ACSS3: variants seen among roughly 807,000 people sequenced by gnomAD.
The protein encoded by ACSS3 is acyl-CoA synthetase short-chain family member 3, mitochondrial.
ACSS3 carries 64 observed loss-of-function variants against 84.2 expected under a neutral mutation model. The ratio of observed to expected loss-of-function variants is 0.76; its 90% CI spans 0.62 to 0.94. The LOEUF (loss-of-function observed/expected upper bound fraction) is 0.94, where lower values mean the gene tolerates loss of function less well. ACSS3 is among the 40% of genes least tolerant of loss of function. The pLI is 0.00. For missense variants in ACSS3, 815 were observed against 867.6 expected, an observed-to-expected ratio of 0.94 and a Z score of 0.76; for synonymous variants, 317 against 310.1, an observed-to-expected ratio of 1.02 and a Z score of -0.23.
rs112201698 is a variant in ACSS3 at position 81,088,131 on chromosome 12, C to T, written c.311+9700C>T. 5.2e-3 allele frequency among the ~76,000 whole-genome samples: 786 copies of T among 152,084 alleles called. 4 individuals are homozygous for T. The highest frequency in any genetic ancestry group is 0.014 in the African/African-American group (570 of 41,528). ...CAAGGCTTTTCACTTAGTTAATTGCCAGAGCTTCAATTCTTAGTTCTTTCT... is the reference window on the plus strand; with the variant it reads ...CAAGGCTTTTCACTTAGTTAATTGCTAGAGCTTCAATTCTTAGTTCTTTCT... On this transcript the variant is annotated intron_variant, in intron 1 of 15. Transcript: ENST00000548058.
chr12:81,223,176 T>C (rs1159923671), intron 11 of ACSS3, among the ~76,000 whole-genome samples: 6 of 152,052 alleles, frequency 3.9e-5, no homozygotes, highest in Non-Finnish European at 8.8e-5. Context: ...TCTTTCTCTC[T>C]GATGGACAAA....
At chr12:81,118,762 T>C (rs183524260) in intron 2 of ACSS3, among the ~76,000 whole-genome samples, 2 of 152,332 alleles carry the variant, frequency 1.3e-5, no homozygotes, top group Admixed American at 6.5e-5. Flanking sequence ...CTCAGACACA[T>C]ACTGAATGCT....
At chr12:81,119,194 A>G (rs955382029) in intron 2 of ACSS3, among the ~76,000 whole-genome samples, 2 of 152,110 alleles carry the variant, frequency 1.3e-5, no homozygotes, top group African/African-American at 4.8e-5. Flanking sequence ...GGGGTGCAAG[A>G]ACAGGGAGTA....
At chr12:81,089,085 A>C (rs993529864) in intron 1 of ACSS3, among the ~76,000 whole-genome samples, 2 of 151,934 alleles carry the variant, frequency 1.3e-5, no homozygotes, top group African/African-American at 4.8e-5. Flanking sequence ...GAAAATCTAT[A>C]ATGACCACAT....
chr12:81,146,210 C>T (rs1886333515), intron 5 of ACSS3, among the ~76,000 whole-genome samples: 1 of 152,086 alleles, frequency 6.6e-6, no homozygotes, highest in South Asian at 2.1e-4. Flanking sequence ...CCAGGTAGAG[C>T]AGAATATTTG....
At chr12:81,241,341 G>A (rs1489259981) in intron 13 of ACSS3, among the ~76,000 whole-genome samples, 1 of 152,052 alleles carries the variant, frequency 6.6e-6, no homozygotes, top group Non-Finnish European at 1.5e-5. Context: ...AGTCCTTTGG[G>A]TATATACCCA....
At position 81,243,701 on chromosome 12, in the gene ACSS3, C is replaced by T. The variant is rs531422412; in HGVS notation, c.1720-9606C>T. 8.5e-5 allele frequency among the ~76,000 whole-genome samples: 13 copies of T among 152,222 alleles called. No homozygotes were observed. In the East Asian group the frequency reaches 1.9e-3, roughly 23 times the overall value. ...AACAGAACAGAGCCCTCAGAAATAACGCCACATATCTACAACTATCTGATC... is the reference window on the plus strand; with the variant it reads ...AACAGAACAGAGCCCTCAGAAATAATGCCACATATCTACAACTATCTGATC... On this transcript the variant is annotated intron_variant, in intron 13 of 15. Coordinates refer to ENST00000548058, the MANE Select transcript of ACSS3 (RefSeq NM_024560.4).
chr12:81,212,862 T>C (rs891504066), intron 9 of ACSS3, among the ~76,000 whole-genome samples: 1 of 152,200 alleles, frequency 6.6e-6, no homozygotes, highest in Admixed American at 6.5e-5. Context: ...AGGAAATTTC[T>C]CTATTAGCTT....
chr12:81,175,869 C>A (rs934925300), intron 8 of ACSS3, among the ~76,000 whole-genome samples: 1 of 152,110 alleles, frequency 6.6e-6, no homozygotes, highest in Non-Finnish European at 1.5e-5. Context: ...TAAGAGGAAA[C>A]TTTATAGAAC....
chr12:81,214,010 C>T (rs1414574203), intron 9 of ACSS3, among the ~76,000 whole-genome samples: 6 of 61,230 alleles, frequency 9.8e-5, no homozygotes, highest in African/African-American at 3.7e-4. Context: ...TTTCTTTCAT[C>T]TGTCTGTCTG....
At chr12:81,087,474 A>G (rs1472832271) in intron 1 of ACSS3, among the ~76,000 whole-genome samples, 1 of 152,036 alleles carries the variant, frequency 6.6e-6, no homozygotes, top group Non-Finnish European at 1.5e-5. Flanking sequence ...AAGAAAAAGA[A>G]TGCTTAATTT....
At chr12:81,090,851 C>T (rs1278194070) in intron 1 of ACSS3, among the ~76,000 whole-genome samples, 1 of 151,988 alleles carries the variant, frequency 6.6e-6, no homozygotes, top group Admixed American at 6.6e-5. Flanking sequence ...GGTTCCAGAA[C>T]ACCACCCACT....
intron 13 of ACSS3, among the ~76,000 whole-genome samples, chr12:81,235,331 T>C (rs1387065391): frequency 3.3e-5 from 5 of 151,226 alleles, no homozygotes; most frequent in Non-Finnish European, 7.4e-5. Context: ...TTTATGTAGA[T>C]CAATATAATT....
chr12:81,103,326 T>C (rs1462263137), intron 1 of ACSS3, among the ~76,000 whole-genome samples: 1 of 152,210 alleles, frequency 6.6e-6, no homozygotes, highest in African/African-American at 2.4e-5. Flanking sequence ...TAGTTACTTT[T>C]ATAATCTGGG....
chr12:81,142,921 T>G (rs938640250), intron 4 of ACSS3, among the ~76,000 whole-genome samples, 186 bp from the exon 5 acceptor site: 2 of 152,220 alleles, frequency 1.3e-5, no homozygotes, highest in African/African-American at 4.8e-5. Context: ...ATAAAACTTT[T>G]GGACTTTTTA....
intron 1 of ACSS3, among the ~76,000 whole-genome samples, chr12:81,093,904 A>G (rs181981347): frequency 5.9e-5 from 9 of 152,270 alleles, no homozygotes; most frequent in African/African-American, 1.4e-4. Context: ...CTGTTCTTAT[A>G]GAGAAATGGA....
In ACSS3 at chr12:81,251,338, C is replaced by A. The variant is rs891751951; in HGVS notation, c.1720-1969C>A. ...ACATTTGACAAAACTCAGGCATGTA[C>A]AGAGTAGACCATAATGTAGTAATGT... is the stretch of plus-strand genomic sequence containing the variant. On this transcript the variant is annotated intron_variant, in intron 13 of 15. Coordinates refer to ENST00000548058, the MANE Select transcript of ACSS3 (RefSeq NM_024560.4). Among the ~76,000 whole-genome samples, 5 of 152,046 alleles carry A rather than the reference C, an allele frequency of 3.3e-5. No individual in the cohort carries two copies. The East Asian group carries it at 7.7e-4, about 24-fold the overall frequency.
intron 1 of ACSS3, among the ~76,000 whole-genome samples, chr12:81,089,439 A>C (rs1013371402): frequency 2.0e-5 from 3 of 152,006 alleles, no homozygotes; most frequent in African/African-American, 7.2e-5. Context: ...CCTTAGTTCT[A>C]ATAATATCCC....
At chr12:81,250,855 C>G (rs1462236027) in intron 13 of ACSS3, among the ~76,000 whole-genome samples, 1 of 152,096 alleles carries the variant, frequency 6.6e-6, no homozygotes, top group Non-Finnish European at 1.5e-5. Flanking sequence ...AGTCTATATC[C>G]TATCTGGTAC....
Sources: gnomAD v4.1 joint callset for allele counts (sites outside exome capture counted in the v4.1 genomes callset) on GRCh38, gnomAD v4.1.1 for gene constraint, MANE v1.5 for transcripts, NCBI Gene and HGNC (gene_info 2026-07-23, HGNC 2026-07-21) for gene names.